The following HS3ST3A1 variants were observed in gnomAD, a reference collection of about 807,000 sequenced individuals.
HS3ST3A1 encodes heparan sulfate-glucosamine 3-sulfotransferase 3A1.
In HS3ST3A1, 19 loss-of-function variants were observed where a neutral mutation model predicts 25.7. That is an observed-to-expected ratio of 0.74 (90% CI 0.52 to 1.08). HS3ST3A1 has a LOEUF of 1.08. HS3ST3A1 is among the 50% of genes least tolerant of loss of function. The probability of loss-of-function intolerance (pLI) is 0.00; values close to 1 mark genes in which losing one functional copy is unlikely to be tolerated. For synonymous variants in HS3ST3A1, 226 were observed against 278.6 expected (o/e 0.81, Z 1.88); for missense variants, 459 against 594.3 (o/e 0.77, Z 2.37).
At chr17:13,537,685 G>C (rs1321407172) in intron 1 of HS3ST3A1, among the ~76,000 whole-genome samples, 1 of 152,090 alleles carries the variant, frequency 6.6e-6, no homozygotes, top group Non-Finnish European at 1.5e-5. Context: ...ATGAGTAATT[G>C]GATCCTTCCA....
chr17:13,551,627 G>C (rs941985873), intron 1 of HS3ST3A1, among the ~76,000 whole-genome samples: 7 of 143,136 alleles, frequency 4.9e-5, no homozygotes, highest in African/African-American at 8.3e-5. Flanking sequence ...AAAAAAAAAG[G>C]GGGGGGGGTA....
intron 1 of HS3ST3A1, among the ~76,000 whole-genome samples, chr17:13,568,521 C>G (rs1429132695): frequency 6.6e-6 from 1 of 152,064 alleles, no homozygotes; most frequent in African/African-American, 2.4e-5. Context: ...CTATTTGGCT[C>G]TTTGTCAAAT....
At chr17:13,521,967 C>T (rs1214776297) in intron 1 of HS3ST3A1, among the ~76,000 whole-genome samples, 3 of 152,288 alleles carry the variant, frequency 2.0e-5, no homozygotes, top group South Asian at 4.1e-4. Flanking sequence ...CTTCCCTCCA[C>T]TCCCCCTCTA....
At chr17:13,600,421 G>T (rs1184189017) in intron 1 of HS3ST3A1, 110 bp downstream of exon 1, 3 of 1,411,160 alleles carry the variant, frequency 2.1e-6, no homozygotes, top group Non-Finnish European at 2.8e-6. Flanking sequence ...TTCGCCTTCT[G>T]CATGAAGTGG....
intron 1 of HS3ST3A1, 149 bp from the exon 2 acceptor site, chr17:13,496,967 C>A: frequency 1.9e-6 from 2 of 1,028,348 alleles, no homozygotes. Context: ...GCACAACGAG[C>A]CCCGCACCTC....
intron 1 of HS3ST3A1, among the ~76,000 whole-genome samples, chr17:13,583,443 A>G (rs1908167702): frequency 6.6e-6 from 1 of 152,222 alleles, no homozygotes; most frequent in Non-Finnish European, 1.5e-5. Context: ...AGGATATTAG[A>G]AAAGTGAAGA....
chr17:13,512,305 C>CAAAAAAAAAAAAAAA (rs67523378), intron 1 of HS3ST3A1, among the ~76,000 whole-genome samples: 4 of 82,102 alleles, frequency 4.9e-5, no homozygotes, highest in African/African-American at 1.8e-4. Flanking sequence ...GACTCCGTCT[C>CAAAAAAAAAAAAAAA]AAAAAAAAAA....
chr17:13,538,806 T>A (rs1220028229), intron 1 of HS3ST3A1, among the ~76,000 whole-genome samples: 2 of 152,122 alleles, frequency 1.3e-5, no homozygotes, highest in Non-Finnish European at 2.9e-5. Flanking sequence ...AGGAAGAGGA[T>A]CATGGAAGAG....
chr17:13,569,507 A>C (rs897389042), intron 1 of HS3ST3A1, among the ~76,000 whole-genome samples: 4 of 152,202 alleles, frequency 2.6e-5, no homozygotes, highest in Non-Finnish European at 5.9e-5. Context: ...TACACACACC[A>C]GTCCCAGCCC....
At chr17:13,544,580 A>G (rs1321621468) in intron 1 of HS3ST3A1, among the ~76,000 whole-genome samples, 1 of 152,160 alleles carries the variant, frequency 6.6e-6, no homozygotes, top group Non-Finnish European at 1.5e-5. Flanking sequence ...TCTGGCTCTC[A>G]TTGCTGCAGA....
chr17:13,531,941 A>G (rs1906618215), intron 1 of HS3ST3A1, among the ~76,000 whole-genome samples: 1 of 152,172 alleles, frequency 6.6e-6, no homozygotes, highest in African/African-American at 2.4e-5. Flanking sequence ...TGAGTTAACT[A>G]TTCTGGCCAC....
chr17:13,562,931 T>C (rs751536976), intron 1 of HS3ST3A1, among the ~76,000 whole-genome samples: 7 of 152,042 alleles, frequency 4.6e-5, no homozygotes, highest in Non-Finnish European at 1.0e-4. Flanking sequence ...AAGGGGATTG[T>C]GTGTCAGGAC....
At chr17:13,559,781 C>A (rs1035272838) in intron 1 of HS3ST3A1, among the ~76,000 whole-genome samples, 1 of 151,822 alleles carries the variant, frequency 6.6e-6, no homozygotes, top group Non-Finnish European at 1.5e-5. Flanking sequence ...CCTAAGGCAA[C>A]TGAGGAGACT....
chr17:13,496,218 G>A lies in HS3ST3A1; in HGVS notation c.1200C>T (p.His400=), dbSNP rs565296202. 4 of 1,597,496 alleles carry A rather than the reference G, an allele frequency of 2.5e-6. No homozygotes were observed. Among genetic ancestry groups the A allele is most frequent in the South Asian group, 1.1e-5 (1 of 88,894 alleles). The change falls in exon 2 of 2, where the codon CAC becomes CAT. Residue 400 remains histidine, a synonymous_variant. Coordinates refer to ENST00000284110, the MANE Select transcript of HS3ST3A1 (RefSeq NM_006042.3). The stretch of plus-strand genomic sequence containing the variant: ...ATGGTTATCCATCCCAGCCAAAGTC[G>A]TGCCCGGTCATCTGGTAGAACTTGA... The part of the protein sequence containing the change: ...FNLKFYQMTG[H]DFGWDG
intron 1 of HS3ST3A1, among the ~76,000 whole-genome samples, chr17:13,527,753 C>T (rs748870526): frequency 6.6e-6 from 1 of 152,206 alleles, no homozygotes; most frequent in African/African-American, 2.4e-5. Flanking sequence ...AACATTTGTT[C>T]GTAGGCTTCC....
chr17:13,593,123 G>A (rs1277718939), intron 1 of HS3ST3A1, among the ~76,000 whole-genome samples: 1 of 151,758 alleles, frequency 6.6e-6, no homozygotes, highest in Non-Finnish European at 1.5e-5. Flanking sequence ...CTGGAAAATT[G>A]GGACCGTGTT....
At position 13,496,826 on chromosome 17, in the gene HS3ST3A1, A is replaced by C; in HGVS notation, c.600-8T>G. 3.1e-6 allele frequency: 5 copies of C among 1,609,306 alleles called. No homozygotes were observed. The South Asian group carries it at 5.5e-5, about 18-fold the overall frequency. ...GTTCTGGGCATCAGGTCCCTGAGAA[A>C]CGCAAAAAGGCATGTCAGAGATGTG... is the stretch of plus-strand genomic sequence containing the variant. On this transcript the variant is annotated splice_polypyrimidine_tract_variant and splice_region_variant and intron_variant, in intron 1 of 1. Coordinates refer to ENST00000284110, the MANE Select transcript of HS3ST3A1 (RefSeq NM_006042.3).
chr17:13,601,001 G>C lies in HS3ST3A1; in HGVS notation c.129C>G (p.Ala43=). The C allele has an allele frequency of 6.3e-7, 1 of 1,579,460 alleles. No individual in the cohort carries two copies. The highest frequency in any genetic ancestry group is 8.6e-7 in the Non-Finnish European group (1 of 1,162,988). ...GGCCGGACAGGGTCTGGCAGCGCTC[G>C]GCCAGGCAGTAGAAGACGTAAAGGG... is the stretch of plus-strand genomic sequence containing the variant. ...LTSLYVFYCL[A]ERCQTLSGPV... The change falls in exon 1 of 2, where the codon GCC becomes GCG. Residue 43 remains alanine (A), a synonymous_variant. Transcript: ENST00000284110.
chr17:13,569,696 A>T lies in HS3ST3A1; in HGVS notation c.599+30835T>A, dbSNP rs1033462601. Reference sequence around the variant, plus strand: ...ACAACTATCAACTTCTGAAACTTTAATGCAAGAGACCTCCACTGGGAGTAA... The same window carrying T: ...ACAACTATCAACTTCTGAAACTTTATTGCAAGAGACCTCCACTGGGAGTAA... On this transcript the variant is annotated intron_variant, in intron 1 of 1. Coordinates refer to ENST00000284110, the MANE Select transcript of HS3ST3A1 (RefSeq NM_006042.3). 2.6e-5 allele frequency among the ~76,000 whole-genome samples: 4 copies of T among 152,218 alleles called. No individual in the cohort carries two copies. The East Asian group carries it at 7.7e-4, about 29-fold the overall frequency.
Sources: allele counts gnomAD v4.1 joint callset (sites outside exome capture counted in the v4.1 genomes callset), GRCh38; gene constraint gnomAD v4.1.1; transcripts MANE v1.5; gene names NCBI Gene and HGNC (gene_info 2026-07-23, HGNC 2026-07-21).